Variants in DNAJC3 observed in about 807,000 individuals in gnomAD.
The protein encoded by DNAJC3 is DnaJ heat shock protein family (Hsp40) member C3.
In DNAJC3, 38 loss-of-function variants were observed where a neutral mutation model predicts 68.6. The ratio of observed to expected loss-of-function variants is 0.55; its 90% confidence interval spans 0.43 to 0.73. DNAJC3 has a LOEUF of 0.73. Ranked by LOEUF, DNAJC3 falls within the 30% of genes least tolerant of loss-of-function variation. The probability of loss-of-function intolerance (pLI) is 0.00; values close to 1 mark genes in which losing one functional copy is unlikely to be tolerated. For missense variants in DNAJC3, 526 were observed against 591.9 expected (o/e 0.89, Z 1.16); for synonymous variants, 203 against 204.0 (o/e 1.00, Z 0.04).
chr13:95,713,217 G>C (rs1593971599), intron 2 of DNAJC3, among the ~76,000 whole-genome samples: 1 of 152,090 alleles, frequency 6.6e-6, no homozygotes, highest in East Asian at 1.9e-4. Context: ...CTGTAATTTG[G>C]CAAGAAATAG....
chr13:95,694,968 C>G (rs1214378450), intron 1 of DNAJC3: 2 of 152,528 alleles, frequency 1.3e-5, no homozygotes, highest in African/African-American at 4.8e-5. Context: ...GCTACATACT[C>G]CCATGAGGCC....
chr13:95,736,305 G>T (rs930015654), intron 4 of DNAJC3, among the ~76,000 whole-genome samples: 1 of 151,858 alleles, frequency 6.6e-6, no homozygotes, highest in Admixed American at 6.6e-5. Flanking sequence ...GGCGATGCGG[G>T]CTCTTTTTTG....
rs78884902 is a variant in DNAJC3 at position 95,708,337 on chromosome 13, A to G, written c.83-890A>G. Among the ~76,000 whole-genome samples, 12 of 152,368 alleles carry G rather than the reference A, an allele frequency of 7.9e-5. No individual in the cohort carries two copies. The East Asian group carries it at 2.3e-3, about 29-fold the overall frequency. ...AACATATTGATAATTGGCCTAGTCC[A>G]TCAGATCATGTTATTGATTCCACAG... On this transcript the variant is annotated intron_variant, in intron 1 of 11. Coordinates refer to ENST00000602402, the MANE Select transcript of DNAJC3 (RefSeq NM_006260.5).
chr13:95,733,973 T>A (rs897628595), intron 4 of DNAJC3, among the ~76,000 whole-genome samples: 2 of 152,180 alleles, frequency 1.3e-5, no homozygotes, highest in African/African-American at 4.8e-5. Flanking sequence ...ATTACTGATA[T>A]GTGAGATTTC....
At position 95,760,208 on chromosome 13, in the gene DNAJC3, G is replaced by A. The variant is rs773418574; in HGVS notation, c.715G>A (p.Glu239Lys). ...ACTGTACTACCAACTAGGAGACCAC[G>A]AACTGTCCCTCAGGTCAGTTCTAGT... is the stretch of plus-strand genomic sequence containing the variant. ...STLYYQLGDH[E>K]LSLSEVRECL... The change falls in exon 6 of 12, where the codon GAA (glutamate) becomes AAA (lysine). Residue 239 changes from glutamate (E) to lysine (K), a missense_variant. Coordinates refer to ENST00000602402, the MANE Select transcript of DNAJC3 (RefSeq NM_006260.5). The A allele has an allele frequency of 2.8e-5, 45 of 1,590,990 alleles. 1 individual carries two copies. The East Asian group carries it at 3.6e-4, about 13-fold the overall frequency.
chr13:95,709,329 C>T lies in DNAJC3; in HGVS notation c.185C>T (p.Ala62Val), dbSNP rs748169334. 3 of 1,586,346 alleles carry T rather than the reference C, an allele frequency of 1.9e-6. No individual in the cohort carries two copies. The South Asian group carries it at 3.5e-5, about 19-fold the overall frequency. Reference protein sequence around the residue: ...QLADALSQFHAAVDGDPDNYI... With the variant: ...QLADALSQFHVAVDGDPDNYI... ...GCTGATGCTTTATCTCAGTTTCATG[C>T]TGCCGTAGGTTTGTATCATGGAACC... The change falls in exon 2 of 12, where the codon GCT (alanine) becomes GTT (valine). Residue 62 changes from alanine to valine, a missense_variant. Coordinates refer to ENST00000602402, the MANE Select transcript of DNAJC3 (RefSeq NM_006260.5).
intron 9 of DNAJC3, among the ~76,000 whole-genome samples, chr13:95,768,995 A>ATATCTG (rs1883088468): frequency 2.2e-5 from 2 of 89,086 alleles, no homozygotes; most frequent in Middle Eastern, 0.013. Flanking sequence ...ATCTATATCT[A>ATATCTG]TATCTATATC....
chr13:95,709,628 CTTTTTTTTTTT>C (rs955053415), intron 2 of DNAJC3, among the ~76,000 whole-genome samples: 1 of 112,180 alleles, frequency 8.9e-6, no homozygotes, highest in African/African-American at 3.6e-5. Context: ...TGGCTTCTGA[CTTTTTTTTTTT>C]TTTTTTTTTT....
intron 9 of DNAJC3, among the ~76,000 whole-genome samples, chr13:95,764,622 T>C (rs1413723657): frequency 2.2e-5 from 3 of 137,868 alleles, no homozygotes; most frequent in South Asian, 2.3e-4. Context: ...TACAGTAATA[T>C]ACAGTTTTTG....
At position 95,792,546 on chromosome 13, in the gene DNAJC3, T is replaced by A. The variant is rs1194437602; in HGVS notation, c.*1516T>A. 1 of 152,234 alleles carries A rather than the reference T, an allele frequency of 6.6e-6. No individual in the cohort carries two copies. The highest frequency in any genetic ancestry group is 1.5e-5 in the Non-Finnish European group (1 of 68,046). 9.4% of individuals were successfully genotyped at this position (152,234 alleles called of 1,614,324 possible). ...AACAGCAAAGCACAAATCGTTTTCGTCTGTAGTCATATCCTGAAACATAGG... is the reference window on the plus strand; with the variant it reads ...AACAGCAAAGCACAAATCGTTTTCGACTGTAGTCATATCCTGAAACATAGG... On this transcript the variant is annotated 3_prime_UTR_variant, in exon 12 of 12. Coordinates refer to ENST00000602402, the MANE Select transcript of DNAJC3 (RefSeq NM_006260.5).
chr13:95,718,204 A>C (rs931678046), intron 2 of DNAJC3, among the ~76,000 whole-genome samples: 2 of 152,246 alleles, frequency 1.3e-5, no homozygotes, highest in Admixed American at 6.5e-5. Flanking sequence ...TATTGGATGG[A>C]TAATAGGAAA....
intron 9 of DNAJC3, among the ~76,000 whole-genome samples, chr13:95,768,152 G>A (rs142910497): frequency 2.1e-3 from 326 of 151,964 alleles, no homozygotes; most frequent in African/African-American, 7.4e-3. Context: ...TTTCTTTGGA[G>A]TATGCCATTT....
chr13:95,687,215 C>G (rs9590313), intron 1 of DNAJC3, among the ~76,000 whole-genome samples: 57,847 of 151,838 alleles, frequency 0.38, 13,924 homozygotes, highest in African/African-American at 0.68. Context: ...ATTTTTATAC[C>G]ATGGTTTTGT....
rs80349369 is a variant in DNAJC3 at position 95,766,384 on chromosome 13, T to G, written c.1075+2431T>G. On this transcript the variant is annotated intron_variant, in intron 9 of 11. Transcript: ENST00000602402. The stretch of plus-strand genomic sequence containing the variant: ...AAGGGAAACTCTTCAGATCGCTACA[T>G]GTCTCTGTTTTAATAGCTTTTGAGA... Among the ~76,000 whole-genome samples the G allele has an allele frequency of 5.4e-3, 815 of 152,328 alleles. 4 individuals carry two copies. The highest frequency in any genetic ancestry group is 0.034 in the East Asian group (177 of 5,180).
rs369357995 is a variant in DNAJC3 at position 95,748,213 on chromosome 13, TC to T, written c.394-9429del. Among the ~76,000 whole-genome samples, 328 of 152,336 alleles carry T rather than the reference TC, an allele frequency of 2.2e-3. 5 individuals carry two copies. Among genetic ancestry groups the T allele is most frequent in the African/African-American group, 7.5e-3 (313 of 41,566 alleles). On this transcript the variant is annotated intron_variant, in intron 4 of 11. Coordinates refer to ENST00000602402, the MANE Select transcript of DNAJC3 (RefSeq NM_006260.5). The stretch of plus-strand genomic sequence containing the variant: ...ATTATATTTAATTCAATTTAAATAG[TC>T]CTTTCATATAACTGTATTTTTTTAC...
At position 95,729,501 on chromosome 13, in the gene DNAJC3, A is replaced by G. The variant is rs1265335414; in HGVS notation, c.393+4249A>G. On this transcript the variant is annotated intron_variant, in intron 4 of 11. Coordinates refer to ENST00000602402, the MANE Select transcript of DNAJC3 (RefSeq NM_006260.5). ...CCATATTGTGGAATAGTGCTGCAAT[A>G]AACATGAGGATACAGGTATCCCTTT... 3.3e-5 allele frequency among the ~76,000 whole-genome samples: 5 copies of G among 151,966 alleles called. No individual in the cohort carries two copies. The East Asian group carries it at 9.7e-4, about 29-fold the overall frequency.
intron 3 of DNAJC3, 22 bp from the exon 4 acceptor site, chr13:95,725,156 C>G (rs567452231): frequency 7.9e-6 from 12 of 1,524,152 alleles, no homozygotes; most frequent in Admixed American, 2.2e-5. Context: ...TCAAGATAAT[C>G]CTCTGCCCCC....
intron 2 of DNAJC3, among the ~76,000 whole-genome samples, chr13:95,711,863 C>G (rs1450481819): frequency 6.6e-6 from 1 of 152,156 alleles, no homozygotes; most frequent in East Asian, 1.9e-4. Flanking sequence ...CACTTGGACA[C>G]AGCTACAGAA....
At chr13:95,759,350 T>C (rs949301448) in intron 5 of DNAJC3, among the ~76,000 whole-genome samples, 1 of 152,188 alleles carries the variant, frequency 6.6e-6, no homozygotes, top group Non-Finnish European at 1.5e-5. Flanking sequence ...CTCTCTCTGT[T>C]ACCTAGACTG....
Sources: gnomAD v4.1 joint callset for allele counts (sites outside exome capture counted in the v4.1 genomes callset) on GRCh38, gnomAD v4.1.1 for gene constraint, MANE v1.5 for transcripts, NCBI Gene and HGNC (gene_info 2026-07-23, HGNC 2026-07-21) for gene names.